PRH1: variants seen among roughly 807,000 people sequenced by gnomAD.
PRH1 encodes proline rich protein HaeIII subfamily 1.
Under a neutral mutation model 7.9 loss-of-function variants are expected in PRH1, and 7 were observed. The ratio of observed to expected loss-of-function variants is 0.89; its 90% CI spans 0.50 to 1.67. The LOEUF (loss-of-function observed/expected upper bound fraction) is 1.67, where lower values mean the gene tolerates loss of function less well. PRH1 is among the 40% of genes most tolerant of loss of function. The pLI is 0.00. For missense variants in PRH1, 109 were observed against 223.6 expected (o/e 0.49, Z 3.27); for synonymous variants, 45 against 80.8 (o/e 0.56, Z 2.38).
intron 2 of PRH1, chr12:10,930,363 A>C (rs1950187023): frequency 9.6e-6 from 15 of 1,568,422 alleles, no homozygotes; most frequent in Non-Finnish European, 1.3e-5. Flanking sequence ...AAAATTGATC[A>C]GTTCTCCAGT....
chr12:10,885,882 A>G (rs146812478), upstream of PRH1, among the ~76,000 whole-genome samples: 372 of 152,342 alleles, frequency 2.4e-3, 2 homozygotes, highest in African/African-American at 8.6e-3. Flanking sequence ...TGCTGGGCAT[A>G]TGAGGGTCTG....
At chr12:10,891,124 T>C (rs971098260) in intron 2 of PRH1, among the ~76,000 whole-genome samples, 1 of 152,114 alleles carries the variant, frequency 6.6e-6, no homozygotes, top group African/African-American at 2.4e-5. Flanking sequence ...CCTAAAGCAA[T>C]TGACATCAGA....
intron 1 of PRH1, among the ~76,000 whole-genome samples, chr12:10,989,882 G>A (rs11054138): frequency 6.6e-6 from 1 of 151,960 alleles, no homozygotes; most frequent in Non-Finnish European, 1.5e-5. Context: ...TTTACATAAA[G>A]TTTTTCCTCT....
intron 1 of PRH1, chr12:11,061,329 T>C: frequency 1.9e-6 from 3 of 1,575,386 alleles, no homozygotes; most frequent in Middle Eastern, 1.7e-4. Flanking sequence ...CACGTTTGTT[T>C]TCTGCTAGAA....
intron 2 of PRH1, chr12:10,965,221 A>G (rs1318986595): frequency 8.1e-6 from 12 of 1,484,858 alleles, no homozygotes; most frequent in Non-Finnish European, 1.1e-5. Flanking sequence ...GAATTTGGTC[A>G]GCAAAGGAGA....
rs149044192 is a variant in PRH1, at chr12:11,044,534, A to T, written c.-126+2486T>A. Among the ~76,000 whole-genome samples the T allele has an allele frequency of 7.0e-3, 1,069 of 152,252 alleles. 6 individuals carry two copies. Among genetic ancestry groups the T allele is most frequent in the Non-Finnish European group, 0.011 (725 of 67,986 alleles). On this transcript the variant is annotated intron_variant, in intron 1 of 3. Coordinates refer to the PRH1 transcript ENST00000539853. The stretch of plus-strand genomic sequence containing the variant: ...ACAGAATGGGAGAAAATATTTGCAA[A>T]CTACTCATCTCACAAGGGATTAATA...
chr12:11,068,822 G>A (rs1478109771), intron 1 of PRH1, among the ~76,000 whole-genome samples: 1 of 152,000 alleles, frequency 6.6e-6, no homozygotes, highest in African/African-American at 2.4e-5. Context: ...TTAGATGGTG[G>A]GTCACCCTCA....
At chr12:11,031,142 T>C in intron 1 of PRH1, 3 of 1,614,254 alleles carry the variant, frequency 1.9e-6, no homozygotes, top group Non-Finnish European at 2.5e-6. Flanking sequence ...TGAATACCAA[T>C]TTAATAATAA....
At chr12:10,956,672 C>T (rs1052398554) in intron 2 of PRH1, among the ~76,000 whole-genome samples, 12 of 152,106 alleles carry the variant, frequency 7.9e-5, no homozygotes, top group Admixed American at 7.2e-4. Context: ...GAAATCCCCA[C>T]AGTTTCTGGC....
intron 1 of PRH1, among the ~76,000 whole-genome samples, chr12:11,095,011 A>G (rs370133883): frequency 0.023 from 1,283 of 55,896 alleles, 195 homozygotes; most frequent in South Asian, 0.037. Context: ...GGTCTAGCCT[A>G]CTTTGAACGC....
intron 1 of PRH1, among the ~76,000 whole-genome samples, chr12:11,036,452 C>G (rs1323705933): frequency 6.6e-6 from 1 of 152,202 alleles, no homozygotes; most frequent in Admixed American, 6.5e-5. Context: ...GACAGAAGAT[C>G]TGGGGTCTTA....
chr12:11,123,413 T>A (rs1351705944), intron 1 of PRH1, among the ~76,000 whole-genome samples: 1 of 152,174 alleles, frequency 6.6e-6, no homozygotes, highest in African/African-American at 2.4e-5. Flanking sequence ...CAAAACAGTT[T>A]GACTAAATTT....
intron 1 of PRH1, among the ~76,000 whole-genome samples, chr12:11,039,962 C>A (rs928500706): frequency 1.4e-5 from 2 of 146,530 alleles, no homozygotes; most frequent in Non-Finnish European, 3.0e-5. Context: ...GCTTTTCAGA[C>A]CATTTTCAAT....
At chr12:10,938,640 G>T (rs1197144102) in intron 2 of PRH1, 1 of 1,613,836 alleles carries the variant, frequency 6.2e-7, no homozygotes, top group Non-Finnish European at 8.5e-7. Context: ...AAAGTAAAGG[G>T]TATGAAAATG....
chr12:10,986,355 C>T, intron 1 of PRH1: 1 of 1,613,944 alleles, frequency 6.2e-7, no homozygotes, highest in East Asian at 2.2e-5. Flanking sequence ...TACTGTATTC[C>T]TCAATTTCAT....
At chr12:11,042,505 A>T (rs1942747354) in intron 1 of PRH1, among the ~76,000 whole-genome samples, 1 of 150,662 alleles carries the variant, frequency 6.6e-6, no homozygotes, top group Non-Finnish European at 1.5e-5. Flanking sequence ...AAAAAAAAAA[A>T]AGCCTGGGAG....
At chr12:10,964,622 G>T in intron 2 of PRH1, 1 of 484,254 alleles carries the variant, frequency 2.1e-6, no homozygotes, top group Non-Finnish European at 3.8e-6. Context: ...TGTGATTAGG[G>T]ACAGAAAGTA....
At chr12:11,063,118 C>G (rs1353363176) in intron 1 of PRH1, among the ~76,000 whole-genome samples, 1 of 151,988 alleles carries the variant, frequency 6.6e-6, no homozygotes, top group Non-Finnish European at 1.5e-5. Context: ...AATTCTTAGG[C>G]CTTTGGTAAA....
Position 11,091,755 on chromosome 12 carries a change from C to T in PRH1, n.124-44567G>A, listed in dbSNP as rs765278084. 3.0e-6 allele frequency: 4 copies of T among 1,332,138 alleles called. No homozygotes were observed. The African/African-American group carries it at 4.5e-5, about 15-fold the overall frequency. 82.5% of individuals were successfully genotyped at this position (1,332,138 alleles called of 1,614,324 possible). A position where few individuals can be genotyped will look rare whatever the true frequency, so the allele number is the denominator to read the frequency against. On this transcript the variant is annotated intron_variant and non_coding_transcript_variant, in intron 1 of 4. Transcript: ENST00000541977. ...TTGATCTTCCAAGTCATGTTTCCTT[C>T]AAATTCTTTTGTCCGCACAATCTCA...
Sources: gnomAD v4.1 joint callset for allele counts (sites outside exome capture counted in the v4.1 genomes callset) on GRCh38, gnomAD v4.1.1 for gene constraint, MANE v1.5 for transcripts, NCBI Gene and HGNC (gene_info 2026-07-23, HGNC 2026-07-21) for gene names.